The following ASB5 variants were observed in gnomAD, a reference collection of about 807,000 sequenced individuals.
The protein encoded by ASB5 is ankyrin repeat and SOCS box protein 5.
ASB5 carries 45 observed loss-of-function variants against 42.1 expected under a neutral mutation model. The observed-to-expected ratio is 1.07, with a 90% CI of 0.84 to 1.37. The LOEUF (loss-of-function observed/expected upper bound fraction) is 1.37. Ranked by LOEUF, ASB5 falls within the 40% of genes most tolerant of loss-of-function variation. The pLI, the probability that ASB5 is intolerant of heterozygous loss-of-function variation, is 0.00. For missense variants in ASB5, 402 were observed against 399.8 expected (o/e 1.01, Z -0.05); for synonymous variants, 147 against 150.6 (o/e 0.98, Z 0.18).
intron 1 of ASB5, among the ~76,000 whole-genome samples, chr4:176,231,045 G>C (rs910855995): frequency 1.3e-5 from 2 of 152,110 alleles, no homozygotes; most frequent in African/African-American, 2.4e-5. Flanking sequence ...CTTGTTCCCA[G>C]ACATCTGGTA....
At chr4:176,264,499 C>G (rs967386520) in intron 1 of ASB5, among the ~76,000 whole-genome samples, 6 of 152,136 alleles carry the variant, frequency 3.9e-5, no homozygotes, top group African/African-American at 7.2e-5. Context: ...AATCAGAAGC[C>G]TTGGTGTTTA....
At chr4:176,234,555 G>A (rs1753636360) in intron 1 of ASB5, among the ~76,000 whole-genome samples, 2 of 152,118 alleles carry the variant, frequency 1.3e-5, no homozygotes, top group Non-Finnish European at 2.9e-5. Context: ...TTACTAGAAT[G>A]CTAGACCTTA....
chr4:176,238,573 T>G (rs1753744086), intron 1 of ASB5, among the ~76,000 whole-genome samples: 1 of 152,192 alleles, frequency 6.6e-6, no homozygotes. Flanking sequence ...AAGGATTAAC[T>G]GAGCTGGTGA....
In ASB5 at chr4:176,224,160, T is replaced by C. The variant is rs935432315; in HGVS notation, c.276+1102A>G. On this transcript the variant is annotated intron_variant, in intron 2 of 6. Coordinates refer to ENST00000296525, the MANE Select transcript of ASB5 (RefSeq NM_080874.4). ...CTTTCTTCGTAGCCATCTGAGAATG[T>C]TCTTTCTCCTTGAGACTGGGAAACA... Among the ~76,000 whole-genome samples, 10 of 152,078 alleles carry C rather than the reference T, an allele frequency of 6.6e-5. No individual in the cohort carries two copies. The South Asian group carries it at 1.4e-3, about 22-fold the overall frequency.
chr4:176,247,241 AG>A (rs1579327411), intron 1 of ASB5, among the ~76,000 whole-genome samples: 2 of 152,220 alleles, frequency 1.3e-5, no homozygotes, highest in East Asian at 3.8e-4. Context: ...TGAAAAGCCA[AG>A]TATTACAAAG....
rs1389546629 is a variant in ASB5, at chr4:176,246,981, G to A, written c.197-21640C>T. Among the ~76,000 whole-genome samples the A allele has an allele frequency of 2.0e-5, 3 of 152,086 alleles. No individual in the cohort carries two copies. In the East Asian group the frequency reaches 5.8e-4, roughly 29 times the overall value. ...CATAGATTCCTATTAGAATTAATAA[G>A]AGAGCTTAGAAAAGTTCTTTGGTAT... On this transcript the variant is annotated intron_variant, in intron 1 of 6. Coordinates refer to ENST00000296525, the MANE Select transcript of ASB5 (RefSeq NM_080874.4).
chr4:176,215,646 T>C lies in ASB5; in HGVS notation c.944A>G (p.Gln315Arg), dbSNP rs759624216. 1 of 1,613,304 alleles carries C rather than the reference T, an allele frequency of 6.2e-7. No homozygotes were observed. The highest frequency in any genetic ancestry group is 1.7e-5 in the Admixed American group (1 of 59,946). Reference sequence around the variant, plus strand: ...CTTCAGTAACGTTGGCAGCTGGAGTTGTGGGATAAGGTGCAATCTTGGTTT... The same window carrying C: ...CTTCAGTAACGTTGGCAGCTGGAGTCGTGGGATAAGGTGCAATCTTGGTTT... ...IGKPRLHLIPQLQLPTLLKNF... is the reference protein window; with the variant it reads ...IGKPRLHLIPRLQLPTLLKNF... The change falls in exon 7 of 7, where the codon CAA (glutamine) becomes CGA (arginine). Residue 315 changes from glutamine (Q) to arginine (R), a missense_variant. Physicochemically the swap from Gln to Arg is conservative, Grantham distance 43 (BLOSUM62 1). Coordinates refer to ENST00000296525, the MANE Select transcript of ASB5 (RefSeq NM_080874.4).
chr4:176,215,744 A>C lies in ASB5; in HGVS notation c.863-17T>G. 3 of 1,594,678 alleles carry C rather than the reference A, an allele frequency of 1.9e-6. No individual in the cohort carries two copies. The highest frequency in any genetic ancestry group is 2.6e-6 in the Non-Finnish European group (3 of 1,172,070). On this transcript the variant is annotated splice_polypyrimidine_tract_variant and intron_variant, in intron 6 of 6. Transcript: ENST00000296525. The stretch of plus-strand genomic sequence containing the variant: ...TTGGGGTAGCTACAAGAAGACATGA[A>C]TCTATTTGTTAATTAAAATAGAAAT...
chr4:176,274,909 A>ATTTTTTTTTTTTTTTTTTTTTTTTTTT, intron 2 of ASB5, among the ~76,000 whole-genome samples: 1 of 106,304 alleles, frequency 9.4e-6, no homozygotes, highest in Non-Finnish European at 1.9e-5. Flanking sequence ...CAGCATAGCA[A>ATTTTTTTTTTTTTTTTTTTTTTTTTTT]TTTTTTTTTT....
chr4:176,222,503 A>G (rs1056555309), intron 2 of ASB5, 83 bp from the exon 3 acceptor site: 9 of 1,236,778 alleles, frequency 7.3e-6, no homozygotes, highest in East Asian at 4.8e-5. Flanking sequence ...AGAGAGTGAT[A>G]TATTTTAGAC....
At chr4:176,253,329 A>G (rs146823010) in intron 1 of ASB5, among the ~76,000 whole-genome samples, 13 of 152,376 alleles carry the variant, frequency 8.5e-5, no homozygotes, top group Admixed American at 5.9e-4. Context: ...CACAATTTAT[A>G]AAGCACAACA....
chr4:176,249,871 C>T lies in ASB5; in HGVS notation c.196+19042G>A, dbSNP rs572837900. On this transcript the variant is annotated intron_variant, in intron 1 of 6. Coordinates refer to ENST00000296525, the MANE Select transcript of ASB5 (RefSeq NM_080874.4). Reference sequence around the variant, plus strand: ...ACGAGGTCAGGAGATGGAGACCATCCTGGCTAACACAGTGAAACCCCGTCT... The same window carrying T: ...ACGAGGTCAGGAGATGGAGACCATCTTGGCTAACACAGTGAAACCCCGTCT... Among the ~76,000 whole-genome samples, 288 of 151,952 alleles carry T rather than the reference C, an allele frequency of 1.9e-3. 1 individual carries two copies. Among genetic ancestry groups the T allele is most frequent in the Admixed American group, 0.012 (186 of 15,264 alleles).
intron 1 of ASB5, among the ~76,000 whole-genome samples, chr4:176,264,558 G>T (rs1754322009): frequency 6.6e-6 from 1 of 152,068 alleles, no homozygotes; most frequent in Admixed American, 6.6e-5. Flanking sequence ...TCAAATGCAA[G>T]ACTAGAATTC....
At chr4:176,258,493 C>A (rs899625310) in intron 1 of ASB5, among the ~76,000 whole-genome samples, 1 of 152,042 alleles carries the variant, frequency 6.6e-6, no homozygotes, top group African/African-American at 2.4e-5. Context: ...TTTCAAGGAC[C>A]AAGTGACTTT....
chr4:176,216,437 G>A (rs540001803), intron 6 of ASB5, among the ~76,000 whole-genome samples: 3 of 152,106 alleles, frequency 2.0e-5, no homozygotes, highest in East Asian at 1.9e-4. Flanking sequence ...TGCAACCTCC[G>A]CCTCCCGGGT....
chr4:176,250,001 C>T (rs958981175), intron 1 of ASB5, among the ~76,000 whole-genome samples: 2 of 148,590 alleles, frequency 1.3e-5, no homozygotes, highest in Non-Finnish European at 3.0e-5. Context: ...GGAGGCGGAG[C>T]TTGCAGTGAG....
chr4:176,233,383 G>A (rs544159352), intron 1 of ASB5, among the ~76,000 whole-genome samples: 52 of 152,178 alleles, frequency 3.4e-4, no homozygotes, highest in Non-Finnish European at 6.5e-4. Context: ...AAATTTCAGC[G>A]CCACATGTTA....
chr4:176,240,137 A>G (rs1298590227), intron 1 of ASB5, among the ~76,000 whole-genome samples: 2 of 152,192 alleles, frequency 1.3e-5, no homozygotes, highest in Non-Finnish European at 1.5e-5. Context: ...ACATTAAGCC[A>G]TATGAGTGGA....
chr4:176,247,566 T>C (rs902272538), intron 1 of ASB5, among the ~76,000 whole-genome samples: 2 of 152,174 alleles, frequency 1.3e-5, no homozygotes, highest in Admixed American at 1.3e-4. Flanking sequence ...GTAGTGACTA[T>C]AGATTATGAA....
Sources: allele counts gnomAD v4.1 joint callset (sites outside exome capture counted in the v4.1 genomes callset), GRCh38; gene constraint gnomAD v4.1.1; transcripts MANE v1.5; gene names NCBI Gene and HGNC (gene_info 2026-07-23, HGNC 2026-07-21).